CCDC7: variants seen among roughly 807,000 people sequenced by gnomAD.
The protein encoded by CCDC7 is coiled-coil domain-containing protein 7.
CCDC7 carries 183 observed loss-of-function variants against 196.9 expected under a neutral mutation model. The ratio of observed to expected loss-of-function variants is 0.93; its 90% CI spans 0.82 to 1.05. CCDC7 has a LOEUF of 1.05. CCDC7 is among the 50% of genes least tolerant of loss of function. The pLI, the probability that CCDC7 is intolerant of heterozygous loss-of-function variation, is 0.00. For synonymous variants in CCDC7, 525 were observed against 484.6 expected (o/e 1.08, Z -1.10); for missense variants, 1,540 against 1,482.2 (o/e 1.04, Z -0.64).
At chr10:32,728,485 C>T (rs971264121) in intron 26 of CCDC7, among the ~76,000 whole-genome samples, 1 of 152,060 alleles carries the variant, frequency 6.6e-6, no homozygotes, top group Non-Finnish European at 1.5e-5. Context: ...GTTCATTTGA[C>T]CAATCTCCTG....
chr10:32,564,593 T>C (rs904035638), intron 13 of CCDC7, among the ~76,000 whole-genome samples: 2 of 151,342 alleles, frequency 1.3e-5, no homozygotes, highest in Non-Finnish European at 2.9e-5. Context: ...TAGGTGGGAA[T>C]TGAACAATGA....
intron 24 of CCDC7, among the ~76,000 whole-genome samples, chr10:32,706,371 A>G (rs2079756748): frequency 6.6e-6 from 1 of 152,148 alleles, no homozygotes. Context: ...AAAGCAGGAA[A>G]GATCTAAAAT....
upstream of CCDC7, among the ~76,000 whole-genome samples, chr10:32,445,946 T>G (rs1371102679): frequency 6.6e-6 from 1 of 152,206 alleles, no homozygotes; most frequent in Non-Finnish European, 1.5e-5. Flanking sequence ...GGGGGCGTCC[T>G]GGAATTACAC....
At chr10:32,850,024 A>C (rs1179988933) in intron 39 of CCDC7, among the ~76,000 whole-genome samples, 1 of 152,102 alleles carries the variant, frequency 6.6e-6, no homozygotes, top group Non-Finnish European at 1.5e-5. Context: ...TGGTGGAAAA[A>C]AATGCAAACT....
intron 18 of CCDC7, among the ~76,000 whole-genome samples, chr10:32,589,530 C>G (rs961075819): frequency 6.6e-6 from 1 of 152,074 alleles, no homozygotes; most frequent in Non-Finnish European, 1.5e-5. Context: ...AATGTGTATT[C>G]TGGTGCCACT....
intron 18 of CCDC7, among the ~76,000 whole-genome samples, chr10:32,632,538 G>T (rs771385296): frequency 6.6e-6 from 1 of 151,524 alleles, no homozygotes; most frequent in African/African-American, 2.4e-5. Flanking sequence ...TAGAAGTTTT[G>T]TTGACTGAGG....
intron 8 of CCDC7, among the ~76,000 whole-genome samples, 189 bp downstream of exon 9, chr10:32,474,212 T>C (rs1416030619): frequency 2.3e-4 from 2 of 8,710 alleles, no homozygotes; most frequent in East Asian, 2.9e-3. Context: ...ACTAGATTCT[T>C]TTTTTTTTTT....
chr10:32,779,538 A>C (rs2134279458), intron 29 of CCDC7, among the ~76,000 whole-genome samples: 1 of 152,348 alleles, frequency 6.6e-6, no homozygotes, highest in Non-Finnish European at 1.5e-5. Context: ...GACAAAGATC[A>C]TCAGAATGTG....
At chr10:32,720,019 GTATATACCCAAACGATTATAAAT>G (rs1276977756) in intron 25 of CCDC7, among the ~76,000 whole-genome samples, 2 of 152,028 alleles carry the variant, frequency 1.3e-5, no homozygotes, top group Non-Finnish European at 2.9e-5. Context: ...CCATTACTTG[GTATATACCCAAACGATTATAAAT>G]TATATACCCA....
chr10:32,708,187 T>A (rs543804173), intron 24 of CCDC7, among the ~76,000 whole-genome samples: 17 of 152,268 alleles, frequency 1.1e-4, no homozygotes, highest in African/African-American at 4.1e-4. Context: ...ACCCATCTGA[T>A]CTTTGACAAA....
upstream of CCDC7, among the ~76,000 whole-genome samples, chr10:32,448,139 A>G (rs866737845): frequency 1.8e-4 from 27 of 152,190 alleles, no homozygotes; most frequent in African/African-American, 6.0e-4. Context: ...CATCGAAACA[A>G]AAAAGCAGTT....
chr10:32,592,887 T>C (rs551361112), intron 18 of CCDC7, among the ~76,000 whole-genome samples: 1 of 152,334 alleles, frequency 6.6e-6, no homozygotes, highest in East Asian at 1.9e-4. Context: ...ACTCATCCTT[T>C]TTTATGGCTG....
exon 17 of CCDC7, chr10:32,583,274 C>A (rs1322531853): frequency 1.4e-5 from 17 of 1,231,204 alleles, no homozygotes; most frequent in Non-Finnish European, 1.7e-5. Flanking sequence ...TATCACCATT[C>A]ATTTTACCTC....
chr10:32,474,935 C>A (rs1414509910), intron 8 of CCDC7, among the ~76,000 whole-genome samples: 1 of 152,120 alleles, frequency 6.6e-6, no homozygotes, highest in Non-Finnish European at 1.5e-5. Context: ...AGCTTTAAAC[C>A]CAAACGTTGC....
downstream of CCDC7, among the ~76,000 whole-genome samples, chr10:32,878,391 T>TTTC: frequency 6.6e-6 from 1 of 152,006 alleles, no homozygotes; most frequent in Non-Finnish European, 1.5e-5. Context: ...GAACCAGTCA[T>TTTC]TAGACTGGTT....
chr10:32,755,931 A>C (rs937094356), intron 28 of CCDC7, among the ~76,000 whole-genome samples: 2 of 152,212 alleles, frequency 1.3e-5, no homozygotes, highest in Admixed American at 6.5e-5. Flanking sequence ...TGGAGCAGAA[A>C]ACCATGGCAC....
intron 21 of CCDC7, among the ~76,000 whole-genome samples, chr10:32,673,651 GCA>G (rs1491284243): frequency 0.023 from 2,562 of 109,780 alleles, 36 homozygotes; most frequent in Non-Finnish European, 0.033. Context: ...TAACCATTGT[GCA>G]CGTGTGTGTG....
chr10:32,674,354 T>A (rs2074568672), intron 21 of CCDC7, among the ~76,000 whole-genome samples: 1 of 152,086 alleles, frequency 6.6e-6, no homozygotes, highest in Non-Finnish European at 1.5e-5. Flanking sequence ...CAGTGGTTGT[T>A]CAAAATTTGT....
chr10:32,870,932 C>G (rs1419280777), intron 41 of CCDC7, among the ~76,000 whole-genome samples: 2 of 152,082 alleles, frequency 1.3e-5, no homozygotes, highest in African/African-American at 4.8e-5. Flanking sequence ...GCCTTGCATC[C>G]CAGGGATGAA....
Sources: gnomAD v4.1 joint callset for allele counts (sites outside exome capture counted in the v4.1 genomes callset) on GRCh38, gnomAD v4.1.1 for gene constraint, MANE v1.5 for transcripts, NCBI Gene and HGNC (gene_info 2026-07-23, HGNC 2026-07-21) for gene names.